VANGL1: variants seen among roughly 807,000 people sequenced by gnomAD.
The protein encoded by VANGL1 is vang-like protein 1.
VANGL1 carries 18 observed loss-of-function variants against 48.4 expected under a neutral mutation model. That is an observed-to-expected ratio of 0.37 (90% CI 0.26 to 0.55). The LOEUF (loss-of-function observed/expected upper bound fraction) is 0.55, where lower values mean the gene tolerates loss of function less well. VANGL1 is among the 20% of genes least tolerant of loss of function. The pLI, the probability that VANGL1 is intolerant of heterozygous loss-of-function variation, is 0.81. For synonymous variants in VANGL1, 257 were observed against 261.8 expected, an observed-to-expected ratio of 0.98 and a Z score of 0.18; for missense variants, 667 against 675.8, an observed-to-expected ratio of 0.99 and a Z score of 0.14.
intron 4 of VANGL1, among the ~76,000 whole-genome samples, chr1:115,670,208 G>A (rs926559466): frequency 7.2e-5 from 11 of 152,202 alleles, no homozygotes; most frequent in Non-Finnish European, 1.6e-4. Context: ...AGGTTGGCTA[G>A]AACGTTGATC....
At chr1:115,687,606 C>T (rs183910287) in intron 7 of VANGL1, among the ~76,000 whole-genome samples, 1 of 136,744 alleles carries the variant, frequency 7.3e-6, no homozygotes, top group East Asian at 2.1e-4. Context: ...CAGTTTTTAC[C>T]GATAAGGAGT....
Position 115,651,439 on chromosome 1 carries a change from G to A in VANGL1, c.26G>A (p.Gly9Glu). The change falls in exon 2 of 8, where the codon GGA becomes GAA. Residue 9 changes from glycine (G) to glutamate (E), a missense_variant. Gly to Glu is a moderately conservative substitution (Grantham distance 98). Transcript: ENST00000355485. MDTESTYSGYSYYSSHSKK... is the reference protein window; with the variant it reads MDTESTYSEYSYYSSHSKK... ...ATGGATACCGAATCCACTTATTCTGGATATTCTTACTATTCAAGTCATTCG... is the reference window on the plus strand; with the variant it reads ...ATGGATACCGAATCCACTTATTCTGAATATTCTTACTATTCAAGTCATTCG... The A allele has an allele frequency of 6.2e-7, 1 of 1,614,034 alleles. No individual in the cohort carries two copies. The highest frequency in any genetic ancestry group is 8.5e-7 in the Non-Finnish European group (1 of 1,180,004).
At chr1:115,691,003 TA>T in intron 7 of VANGL1, 115 bp from the exon 8 acceptor site, 1 of 1,427,138 alleles carries the variant, frequency 7.0e-7, no homozygotes, top group South Asian at 1.2e-5. Context: ...GGCTCTGGTC[TA>T]AGCTGGTTTA....
chr1:115,657,893 G>A (rs1454156032), intron 2 of VANGL1, among the ~76,000 whole-genome samples: 2 of 152,124 alleles, frequency 1.3e-5, no homozygotes, highest in Non-Finnish European at 2.9e-5. Context: ...TGGTGAAAGC[G>A]GGAGCAAGAG....
intron 3 of VANGL1, among the ~76,000 whole-genome samples, chr1:115,660,530 C>A (rs1263687858): frequency 6.6e-6 from 1 of 152,190 alleles, no homozygotes; most frequent in Non-Finnish European, 1.5e-5. Context: ...TGAGTGGGTT[C>A]TTCTCCAGGT....
At chr1:115,681,565 G>C (rs531786364) in intron 4 of VANGL1, among the ~76,000 whole-genome samples, 143 of 147,744 alleles carry the variant, frequency 9.7e-4, no homozygotes, top group Non-Finnish European at 1.7e-3. Context: ...GGAGTGCAGT[G>C]GTGCAGTCTC....
At position 115,664,093 on chromosome 1, in the gene VANGL1, G is replaced by T; in HGVS notation, c.637G>T (p.Asp213Tyr). Residue 213 changes from aspartate (D) to tyrosine (Y), a missense_variant, in exon 4 of 8, where the codon GAC becomes TAC. Transcript: ENST00000355485. ...CGGGGTCCGCATTTTGGACTCTCGG[G>T]ACCGGAATTACCAGGGCATTGTGCA... ...FYGVRILDSR[D>Y]RNYQGIVQYA... is the part of the protein sequence containing the mutation. The T allele has an allele frequency of 9.9e-6, 16 of 1,614,150 alleles. No individual in the cohort carries two copies. Among genetic ancestry groups the T allele is most frequent in the Non-Finnish European group, 1.4e-5 (16 of 1,180,050 alleles).
intron 4 of VANGL1, among the ~76,000 whole-genome samples, chr1:115,678,984 A>AT: frequency 6.6e-6 from 1 of 151,048 alleles, no homozygotes; most frequent in Non-Finnish European, 1.5e-5. Flanking sequence ...GGCATATTGG[A>AT]TTTTATCCCA....
chr1:115,671,579 G>C (rs576888478), intron 4 of VANGL1, among the ~76,000 whole-genome samples: 5 of 152,312 alleles, frequency 3.3e-5, no homozygotes, highest in African/African-American at 1.2e-4. Context: ...CCCTAAGCAG[G>C]CTGCTGTCTT....
At chr1:115,670,971 G>GT (rs977101457) in intron 4 of VANGL1, 3 of 152,428 alleles carry the variant, frequency 2.0e-5, no homozygotes, top group African/African-American at 7.2e-5. Context: ...GTTTGGTGCT[G>GT]TGGTGCCTGT....
At chr1:115,655,907 A>G (rs1652336722) in intron 2 of VANGL1, among the ~76,000 whole-genome samples, 1 of 152,252 alleles carries the variant, frequency 6.6e-6, no homozygotes, top group Admixed American at 6.5e-5. Flanking sequence ...ACTGAATGCC[A>G]GGATTTTTGC....
At chr1:115,646,873 C>T (rs1056261096) in intron 1 of VANGL1, among the ~76,000 whole-genome samples, 2 of 152,078 alleles carry the variant, frequency 1.3e-5, no homozygotes, top group Non-Finnish European at 2.9e-5. Flanking sequence ...CAGGAAAGGC[C>T]TCTTGAAAGG....
At position 115,651,500 on chromosome 1, in the gene VANGL1, A is replaced by G; in HGVS notation, c.71+16A>G. The G allele has an allele frequency of 1.2e-6, 2 of 1,611,178 alleles. No homozygotes were observed. The highest frequency in any genetic ancestry group is 1.7e-6 in the Non-Finnish European group (2 of 1,177,506). On this transcript the variant is annotated intron_variant, in intron 2 of 7. Coordinates refer to ENST00000355485, the MANE Select transcript of VANGL1 (RefSeq NM_138959.3). Reference sequence around the variant, plus strand: ...ACAGACAAGGGTATGTAAGTTGTTCATTATTACACTTTTCCTTTTGGGGAA... The same window carrying G: ...ACAGACAAGGGTATGTAAGTTGTTCGTTATTACACTTTTCCTTTTGGGGAA...
intron 1 of VANGL1, among the ~76,000 whole-genome samples, chr1:115,647,666 G>A (rs1043217587): frequency 7.9e-5 from 12 of 152,322 alleles, no homozygotes; most frequent in Non-Finnish European, 1.8e-4. Context: ...TAGTGGTCTA[G>A]CCCTGTGTAG....
At position 115,691,597 on chromosome 1, in the gene VANGL1, G is replaced by A. The variant is rs183938394; in HGVS notation, c.*218G>A. The A allele has an allele frequency of 5.4e-5, 28 of 522,010 alleles. No homozygotes were observed. The highest frequency in any genetic ancestry group is 2.7e-4 in the African/African-American group (14 of 51,828). 32.3% of individuals were successfully genotyped at this position (522,010 alleles called of 1,614,324 possible). ...TGACTGATGACATCTGACTTTTGTC[G>A]ATGGGACTTCTCAAGAAGCCATTCC... On this transcript the variant is annotated 3_prime_UTR_variant, in exon 8 of 8. Transcript: ENST00000355485.
intron 1 of VANGL1, among the ~76,000 whole-genome samples, chr1:115,644,392 A>C (rs1651838980): frequency 6.6e-6 from 1 of 152,232 alleles, no homozygotes; most frequent in African/African-American, 2.4e-5. Context: ...TCTCTGTAAA[A>C]TCAGCTAGCT....
chr1:115,680,160 T>G (rs1653332293), intron 4 of VANGL1, among the ~76,000 whole-genome samples: 1 of 152,124 alleles, frequency 6.6e-6, no homozygotes, highest in Non-Finnish European at 1.5e-5. Flanking sequence ...CCACATTGAC[T>G]TGGAGATTGC....
In VANGL1 at chr1:115,696,011, A is replaced by T. The variant is rs2101046717; in HGVS notation, c.*4632A>T. The T allele has an allele frequency of 6.6e-6, 1 of 152,272 alleles. No homozygotes were observed. The highest frequency in any genetic ancestry group is 1.5e-5 in the Non-Finnish European group (1 of 68,036). The allele number at this position is 152,272 out of a possible 1,614,324, so 9.4% of individuals were successfully genotyped here. A position where few individuals can be genotyped will look rare whatever the true frequency, so the allele number is the denominator to read the frequency against. On this transcript the variant is annotated 3_prime_UTR_variant, in exon 8 of 8. Transcript: ENST00000355485. ...CCACTATGCTAGCAAATATCTTAGGATATTTGATGGAAAGAACTTGAGAAT... is the reference window on the plus strand; with the variant it reads ...CCACTATGCTAGCAAATATCTTAGGTTATTTGATGGAAAGAACTTGAGAAT...
intron 4 of VANGL1, chr1:115,671,397 C>T (rs1436723116): frequency 6.6e-6 from 1 of 152,370 alleles, no homozygotes; most frequent in Admixed American, 6.5e-5. Flanking sequence ...CAACTCTGCT[C>T]CAGCCCAGGT....
Sources: allele counts gnomAD v4.1 joint callset (sites outside exome capture counted in the v4.1 genomes callset), GRCh38; gene constraint gnomAD v4.1.1; transcripts MANE v1.5; gene names NCBI Gene and HGNC (gene_info 2026-07-23, HGNC 2026-07-21).